ADAM18: variants seen among roughly 807,000 people sequenced by gnomAD.
ADAM18 encodes the protein ADAM metallopeptidase domain 18, also known as disintegrin and metalloproteinase domain-containing protein 18.
Under a neutral mutation model 94.4 loss-of-function variants are expected in ADAM18, and 117 were observed. The observed-to-expected ratio is 1.24, with a 90% CI of 1.07 to 1.45. The LOEUF is 1.45. Among genes scored for constraint, ADAM18 ranks in the 40% most tolerant of loss-of-function variants. The pLI, the probability that ADAM18 is intolerant of heterozygous loss-of-function variation, is 0.00. For synonymous variants in ADAM18, 327 were observed against 291.6 expected (o/e 1.12, Z -1.24); for missense variants, 936 against 880.0 (o/e 1.06, Z -0.81).
intron 6 of ADAM18, among the ~76,000 whole-genome samples, chr8:39,617,081 A>G (rs1037052017): frequency 2.6e-5 from 4 of 152,164 alleles, no homozygotes; most frequent in East Asian, 1.9e-4. Flanking sequence ...TAAACAGACA[A>G]CCTACAGAAT....
chr8:39,682,063 TA>T (rs1821477155), intron 16 of ADAM18, among the ~76,000 whole-genome samples: 1 of 152,144 alleles, frequency 6.6e-6, no homozygotes, highest in African/African-American at 2.4e-5. Context: ...TGTAAAACAT[TA>T]GTTAAGAGTA....
intron 6 of ADAM18, among the ~76,000 whole-genome samples, chr8:39,622,442 T>C (rs1819642116): frequency 1.3e-5 from 2 of 151,732 alleles, no homozygotes; most frequent in Non-Finnish European, 2.9e-5. Flanking sequence ...TAAGATGATA[T>C]TGAAAAATAT....
At chr8:39,707,716 T>C (rs1411204927) in intron 18 of ADAM18, among the ~76,000 whole-genome samples, 1 of 152,110 alleles carries the variant, frequency 6.6e-6, no homozygotes, top group Admixed American at 6.5e-5. Flanking sequence ...AACATACAAG[T>C]TTATTTAAAT....
At chr8:39,604,113 G>A (rs1471110088) in intron 2 of ADAM18, among the ~76,000 whole-genome samples, 1 of 152,192 alleles carries the variant, frequency 6.6e-6, no homozygotes, top group East Asian at 1.9e-4. Flanking sequence ...TTGTCACACA[G>A]TGGTAAAGCA....
At chr8:39,647,071 G>A (rs971416078) in intron 11 of ADAM18, among the ~76,000 whole-genome samples, 1 of 151,998 alleles carries the variant, frequency 6.6e-6, no homozygotes, top group Non-Finnish European at 1.5e-5. Flanking sequence ...CAGAGACAAA[G>A]TATAGAGAAA....
intron 18 of ADAM18, among the ~76,000 whole-genome samples, chr8:39,722,167 T>A (rs552273636): frequency 6.1e-5 from 9 of 147,364 alleles, no homozygotes; most frequent in Non-Finnish European, 1.2e-4. Flanking sequence ...TATAAGGTTG[T>A]CTGCCTACTT....
intron 6 of ADAM18, among the ~76,000 whole-genome samples, chr8:39,628,465 C>T (rs1819837305): frequency 6.8e-6 from 1 of 146,012 alleles, no homozygotes; most frequent in South Asian, 2.2e-4. Context: ...AGATAAACAA[C>T]AATAGATATA....
chr8:39,698,999 A>G (rs1434517620), intron 17 of ADAM18, among the ~76,000 whole-genome samples: 1 of 152,218 alleles, frequency 6.6e-6, no homozygotes. Context: ...TAATGGCTGT[A>G]TGATCTAGCC....
At chr8:39,663,659 C>A in intron 12 of ADAM18, 136 bp from the exon 13 acceptor site, 5 of 370,254 alleles carry the variant, frequency 1.4e-5, no homozygotes, top group East Asian at 6.3e-5. Flanking sequence ...ACTAATACAG[C>A]TTCATTGGAA....
intron 6 of ADAM18, among the ~76,000 whole-genome samples, chr8:39,625,924 C>G (rs1162060989): frequency 6.6e-6 from 1 of 152,044 alleles, no homozygotes; most frequent in African/African-American, 2.4e-5. Context: ...ATTCTATTTG[C>G]TAGTATTTTG....
rs544324883 is a variant in ADAM18 at position 39,606,201 on chromosome 8, G to A, written c.133-106G>A. The A allele has an allele frequency of 6.9e-5, 44 of 634,618 alleles. No homozygotes were observed. The South Asian group carries it at 8.7e-4, about 13-fold the overall frequency. 39.3% of individuals were successfully genotyped at this position (634,618 alleles called of 1,614,324 possible). A position where few individuals can be genotyped will look rare whatever the true frequency, so the allele number is the denominator to read the frequency against. Reference sequence around the variant, plus strand: ...TAGAATAATAAATTCTAAAGATTATGTTCATTTTTAATAGATAGACTCTTT... The same window carrying A: ...TAGAATAATAAATTCTAAAGATTATATTCATTTTTAATAGATAGACTCTTT... On this transcript the variant is annotated intron_variant, in intron 2 of 19. Transcript: ENST00000265707.
intron 17 of ADAM18, among the ~76,000 whole-genome samples, chr8:39,694,230 T>G (rs1233864656): frequency 6.6e-6 from 1 of 151,272 alleles, no homozygotes; most frequent in Admixed American, 6.6e-5. Context: ...TTGCAGAATA[T>G]TTTTTATTAT....
intron 7 of ADAM18, among the ~76,000 whole-genome samples, chr8:39,631,015 T>C (rs1338481352): frequency 6.6e-6 from 1 of 151,988 alleles, no homozygotes; most frequent in Non-Finnish European, 1.5e-5. Flanking sequence ...GTTTACTATT[T>C]GGATTTTTTG....
intron 16 of ADAM18, among the ~76,000 whole-genome samples, chr8:39,690,192 T>C (rs546955011): frequency 2.0e-4 from 30 of 152,234 alleles, no homozygotes; most frequent in Admixed American, 2.6e-4. Flanking sequence ...TACCACTCCA[T>C]AGGAGATGGT....
At position 39,648,495 on chromosome 8, in the gene ADAM18, T is replaced by A. The variant is rs146631509; in HGVS notation, c.1198T>A (p.Ser400Thr). Residue 400 changes from serine to threonine, a missense_variant, in exon 12 of 20, where the codon TCC (serine) becomes ACC (threonine). Ser to Thr is a moderately conservative substitution (Grantham distance 58). Coordinates refer to ENST00000265707, the MANE Select transcript of ADAM18 (RefSeq NM_014237.3). ...AGTGTGTGGTAATGGGATTTTGGAA[T>A]CCAATGAAGAATGTGACTGTGGTAA... is the stretch of plus-strand genomic sequence containing the variant. Reference protein sequence around the residue: ...QPVCGNGILESNEECDCGNKN... With the variant: ...QPVCGNGILETNEECDCGNKN... The A allele has an allele frequency of 3.7e-6, 6 of 1,609,142 alleles. No homozygotes were observed. The highest frequency in any genetic ancestry group is 1.7e-5 in the Admixed American group (1 of 59,192).
intron 15 of ADAM18, among the ~76,000 whole-genome samples, chr8:39,677,817 A>G (rs1336349543): frequency 6.6e-6 from 1 of 152,194 alleles, no homozygotes; most frequent in Non-Finnish European, 1.5e-5. Context: ...TGAGAATTCA[A>G]ATGAAGTTTT....
At chr8:39,659,974 G>A (rs927477167) in intron 12 of ADAM18, among the ~76,000 whole-genome samples, 4 of 152,060 alleles carry the variant, frequency 2.6e-5, no homozygotes, top group East Asian at 1.9e-4. Context: ...CATTTAAACT[G>A]GGGGGAGAGG....
intron 14 of ADAM18, among the ~76,000 whole-genome samples, chr8:39,673,346 T>C (rs1455514558): frequency 2.0e-5 from 3 of 152,084 alleles, no homozygotes; most frequent in Non-Finnish European, 4.4e-5. Flanking sequence ...TACTTTAAGT[T>C]CTAGGGTACA....
At chr8:39,716,864 A>T (rs1822593717) in intron 18 of ADAM18, among the ~76,000 whole-genome samples, 1 of 151,844 alleles carries the variant, frequency 6.6e-6, no homozygotes, top group African/African-American at 2.4e-5. Context: ...TTTGCTTTAT[A>T]TACTTATGTG....
Sources: allele counts gnomAD v4.1 joint callset (sites outside exome capture counted in the v4.1 genomes callset), GRCh38; gene constraint gnomAD v4.1.1; transcripts MANE v1.5; gene names NCBI Gene and HGNC (gene_info 2026-07-23, HGNC 2026-07-21).